The following ARHGEF19 variants were observed in gnomAD, a reference collection of about 807,000 sequenced individuals.
ARHGEF19 encodes Rho guanine nucleotide exchange factor (GEF) 19.
In ARHGEF19, 92 loss-of-function variants were observed where a neutral mutation model predicts 87.6. The observed-to-expected ratio is 1.05, with a 90% CI of 0.89 to 1.25. The LOEUF (loss-of-function observed/expected upper bound fraction) is 1.25. ARHGEF19 is among the 50% of genes most tolerant of loss of function. ARHGEF19 has a pLI of 0.00. For missense variants in ARHGEF19, 1,054 were observed against 1,051.8 expected (o/e 1.00, Z -0.03); for synonymous variants, 438 against 446.2 (o/e 0.98, Z 0.23).
At position 16,207,265 on chromosome 1, in the gene ARHGEF19, CT is replaced by C; in HGVS notation, c.875-56del. On this transcript the variant is annotated intron_variant, in intron 5 of 15. Transcript: ENST00000270747. This position sits in a 1 kb window ranked among gnomAD's most constrained non-coding sequence, Gnocchi z 4.0. ...GGGGCGCCCGCCAGCCCCTGCCCGG[CT>C]TTTCCTCGGTTCCCTCAAGAGCCCG... 1 of 1,463,178 alleles carries C rather than the reference CT, an allele frequency of 6.8e-7. No individual in the cohort carries two copies. The highest frequency in any genetic ancestry group is 2.6e-5 in the East Asian group (1 of 38,850). 90.6% of individuals were successfully genotyped at this position (1,463,178 alleles called of 1,614,324 possible). A position where few individuals can be genotyped will look rare whatever the true frequency, so the allele number is the denominator to read the frequency against.
chr1:16,207,050 G>A lies in ARHGEF19; in HGVS notation c.1035C>T (p.Arg345=). 1.3e-6 allele frequency: 2 copies of A among 1,508,668 alleles called. No homozygotes were observed. The highest frequency in any genetic ancestry group is 1.8e-6 in the Non-Finnish European group (2 of 1,131,386). The allele number at this position is 1,508,668 out of a possible 1,614,324, so 93.5% of individuals were successfully genotyped here. The part of the protein sequence containing the change: ...LSPSSSFRAQ[R]SARGSTFSLW... ...GCGAGAAGGTGGAGCCTCGCGCCGA[G>A]CGCTGCGCCCGGAAGGAGCTGCTGG... is the stretch of plus-strand genomic sequence containing the variant. Residue 345 remains arginine, a synonymous_variant, in exon 6 of 16, where the codon CGC becomes CGT. Coordinates refer to ENST00000270747, the MANE Select transcript of ARHGEF19 (RefSeq NM_153213.5). The surrounding 1 kb of genome is among the most constrained non-coding windows in gnomAD (Gnocchi z 4.0).
chr1:16,205,375 G>A lies in ARHGEF19; in HGVS notation c.1632C>T (p.Thr544=). ...AQGSEDEDMA[T]KAFNALKELV... Reference sequence around the variant, plus strand: ...CCTCCTTGAGCGCATTGAAGGCCTTGGTGGCCATGTCTTCGTCTTCAGAGC... The same window carrying A: ...CCTCCTTGAGCGCATTGAAGGCCTTAGTGGCCATGTCTTCGTCTTCAGAGC... Residue 544 remains threonine, a synonymous_variant, in exon 10 of 16, where the codon ACC becomes ACT. Transcript: ENST00000270747. This position sits in a 1 kb window ranked among gnomAD's most constrained non-coding sequence, Gnocchi z 5.8. The A allele has an allele frequency of 6.2e-7, 1 of 1,613,622 alleles. No individual in the cohort carries two copies. The highest frequency in any genetic ancestry group is 8.5e-7 in the Non-Finnish European group (1 of 1,179,680).
At position 16,205,043 on chromosome 1, in the gene ARHGEF19, A is replaced by T. The variant is rs2081114601; in HGVS notation, c.1746+44T>A. The T allele has an allele frequency of 2.5e-6, 4 of 1,569,118 alleles. No homozygotes were observed. Among genetic ancestry groups the T allele is most frequent in the African/African-American group, 1.4e-5 (1 of 73,854 alleles). On this transcript the variant is annotated intron_variant, in intron 11 of 15. Transcript: ENST00000270747. This position sits in a 1 kb window ranked among gnomAD's most constrained non-coding sequence, Gnocchi z 5.8. ...GCCCCCAGGGCAAGGAAGAAACAAG[A>T]GCTGCCCCTTGGGGTCCCCATCCCG...
Position 16,206,346 on chromosome 1 carries a change from G to T in ARHGEF19, c.1138-6C>A. ...GTGATCAGCTCAAACTTGGCCTGAG[G>T]GAGGGCACACACGGGGTCGAAAGGG... is the stretch of plus-strand genomic sequence containing the variant. On this transcript the variant is annotated splice_region_variant and splice_polypyrimidine_tract_variant and intron_variant, in intron 6 of 15. Transcript: ENST00000270747. This position sits in a 1 kb window ranked among gnomAD's most constrained non-coding sequence, Gnocchi z 4.6. 1 of 1,574,928 alleles carries T rather than the reference G, an allele frequency of 6.3e-7. No homozygotes were observed. The highest frequency in any genetic ancestry group is 1.2e-5 in the South Asian group (1 of 85,664).
chr1:16,209,180 GT>G lies in ARHGEF19; in HGVS notation c.-29-98del. ...CCTGGACAAACCCCTGTGTACACTT[GT>G]GTACACACATCTCCACAAACACACT... On this transcript the variant is annotated intron_variant, in intron 1 of 15. Transcript: ENST00000270747. The G allele has an allele frequency of 3.7e-6, 3 of 817,520 alleles. No individual in the cohort carries two copies. The South Asian group carries it at 9.6e-5, about 26-fold the overall frequency. 50.6% of individuals were successfully genotyped at this position (817,520 alleles called of 1,614,324 possible). A position where few individuals can be genotyped will look rare whatever the true frequency, so the allele number is the denominator to read the frequency against.
At position 16,207,000 on chromosome 1, in the gene ARHGEF19, C is replaced by G. The variant is rs2081143799; in HGVS notation, c.1085G>C (p.Arg362Pro). 6.6e-7 allele frequency: 1 copy of G among 1,517,174 alleles called. No individual in the cohort carries two copies. The highest frequency in any genetic ancestry group is 8.8e-7 in the Non-Finnish European group (1 of 1,135,918). 94.0% of individuals were successfully genotyped at this position (1,517,174 alleles called of 1,614,324 possible). ...CAGCGTGGCCAGGACGCCGCTGCCGCGTACGTCGGGGATATCCTGCCACAG... is the reference window on the plus strand; with the variant it reads ...CAGCGTGGCCAGGACGCCGCTGCCGGGTACGTCGGGGATATCCTGCCACAG... Reference protein sequence around the residue: ...FSLWQDIPDVRGSGVLATLSL... With the variant: ...FSLWQDIPDVPGSGVLATLSL... Residue 362 changes from arginine (R) to proline (P), a missense_variant, in exon 6 of 16, where the codon CGC becomes CCC. Transcript: ENST00000270747. This position sits in a 1 kb window ranked among gnomAD's most constrained non-coding sequence, Gnocchi z 4.6.
Position 16,205,067 on chromosome 1 carries a change from C to T in ARHGEF19, c.1746+20G>A, listed in dbSNP as rs751664278. 90 of 1,587,158 alleles carry T rather than the reference C, an allele frequency of 5.7e-5. No individual in the cohort carries two copies. Among genetic ancestry groups the T allele is most frequent in the East Asian group, 4.1e-4 (18 of 43,562 alleles). On this transcript the variant is annotated intron_variant, in intron 11 of 15. Coordinates refer to ENST00000270747, the MANE Select transcript of ARHGEF19 (RefSeq NM_153213.5). The surrounding 1 kb of genome is among the most constrained non-coding windows in gnomAD (Gnocchi z 5.8). ...GAGCTGCCCCTTGGGGTCCCCATCCCGCTGGCTGCAGACACACACCTTGCC... is the reference window on the plus strand; with the variant it reads ...GAGCTGCCCCTTGGGGTCCCCATCCTGCTGGCTGCAGACACACACCTTGCC...
intron 12 of ARHGEF19, among the ~76,000 whole-genome samples, chr1:16,204,054 T>TG (rs1186876361): frequency 1.3e-5 from 2 of 152,200 alleles, no homozygotes; most frequent in African/African-American, 4.8e-5. Flanking sequence ...TTTTAAGAGA[T>TG]GGGGTCTCAC....
rs867650295 is a variant in ARHGEF19, at chr1:16,205,413, G to A, written c.1594C>T (p.Arg532Trp). The change falls in exon 10 of 16, where the codon CGG becomes TGG. Residue 532 changes from arginine (R) to tryptophan (W), a missense_variant. Coordinates refer to ENST00000270747, the MANE Select transcript of ARHGEF19 (RefSeq NM_153213.5). This position sits in a 1 kb window ranked among gnomAD's most constrained non-coding sequence, Gnocchi z 5.8. ...TCGTCTTCAGAGCCCTGTGCTGTCC[G>A]CTTCAGGATGTTCTGGAAGGTGGGA... ...LKMLVENILK[R>W]TAQGSEDEDM... 21 of 1,610,776 alleles carry A rather than the reference G, an allele frequency of 1.3e-5. No individual in the cohort carries two copies. The highest frequency in any genetic ancestry group is 2.2e-5 in the East Asian group (1 of 44,832).
intron 12 of ARHGEF19, 65 bp downstream of exon 12, chr1:16,204,694 C>T (rs1251744002): frequency 2.0e-6 from 3 of 1,505,088 alleles, no homozygotes; most frequent in African/African-American, 1.4e-5. Context: ...GTCATAAGCC[C>T]AGTGGTGGGG....
chr1:16,208,059 C>A lies in ARHGEF19; in HGVS notation c.579G>T (p.Arg193=). The change falls in exon 3 of 16, where the codon CGG becomes CGT. Residue 193 remains arginine (R), a synonymous_variant. Coordinates refer to ENST00000270747, the MANE Select transcript of ARHGEF19 (RefSeq NM_153213.5). Reference sequence around the variant, plus strand: ...TCAGCTCCGATGCCGAGAAGCGCCTCCGCTCAGGACCTTCGAGGCTCACTC... The same window carrying A: ...TCAGCTCCGATGCCGAGAAGCGCCTACGCTCAGGACCTTCGAGGCTCACTC... ...STRVSLEGPE[R]RRFSASELMT... 4 of 1,613,946 alleles carry A rather than the reference C, an allele frequency of 2.5e-6. No homozygotes were observed. The highest frequency in any genetic ancestry group is 3.4e-6 in the Non-Finnish European group (4 of 1,180,036).
chr1:16,207,532 G>A lies in ARHGEF19; in HGVS notation c.864C>T (p.Phe288=). Residue 288 remains phenylalanine (F), a synonymous_variant, in exon 5 of 16, where the codon TTC becomes TTT. Transcript: ENST00000270747. This position sits in a 1 kb window ranked among gnomAD's most constrained non-coding sequence, Gnocchi z 4.0. ...CCCCCTCCCACGTACAGTTAAGGAGGAATCGAGACTGGCGCCGCTCGTTGG... is the reference window on the plus strand; with the variant it reads ...CCCCCTCCCACGTACAGTTAAGGAGAAATCGAGACTGGCGCCGCTCGTTGG... ...RSTNERRQSR[F]LLNSVLYQEY... is the part of the protein sequence containing the mutation. 1 of 1,613,912 alleles carries A rather than the reference G, an allele frequency of 6.2e-7. No homozygotes were observed. The highest frequency in any genetic ancestry group is 1.3e-5 in the African/African-American group (1 of 75,024).
chr1:16,210,442 C>T lies in ARHGEF19; in HGVS notation c.-29-1359G>A, dbSNP rs533210282. On this transcript the variant is annotated intron_variant, in intron 1 of 15. Transcript: ENST00000270747. ...GCCAGGAAATGAAGACTGAGAGAGA[C>T]CCAGAGAAACAGAGACCACTTAGCC... Among the ~76,000 whole-genome samples, 3 of 152,320 alleles carry T rather than the reference C, an allele frequency of 2.0e-5. No individual in the cohort carries two copies. In the East Asian group the frequency reaches 5.8e-4, roughly 29 times the overall value.
chr1:16,206,945 C>T lies in ARHGEF19; in HGVS notation c.1137+3G>A. ...GCCCCGCCGGGTCCCCGCGCGCGCCCACCTCCTGCAGCTTGCAGTCCCGCA... is the reference window on the plus strand; with the variant it reads ...GCCCCGCCGGGTCCCCGCGCGCGCCTACCTCCTGCAGCTTGCAGTCCCGCA... On this transcript the variant is annotated splice_donor_region_variant and intron_variant, in intron 6 of 15. Transcript: ENST00000270747. The surrounding 1 kb of genome is among the most constrained non-coding windows in gnomAD (Gnocchi z 4.6). 1.4e-6 allele frequency: 2 copies of T among 1,467,836 alleles called. No individual in the cohort carries two copies. The highest frequency in any genetic ancestry group is 1.3e-5 in the South Asian group (1 of 75,826). 90.9% of individuals were successfully genotyped at this position (1,467,836 alleles called of 1,614,324 possible).
In ARHGEF19 at chr1:16,207,982, G is replaced by T; in HGVS notation, c.656C>A (p.Ala219Glu). Reference protein sequence around the residue: ...LRLGRNSAARALISGSGTGAA... With the variant: ...LRLGRNSAARELISGSGTGAA... ...TCCGGTGCCTGACCCAGAGATGAGT[G>T]CCCGGGCTGCTGAATTCCGCCCCAG... Residue 219 changes from alanine (A) to glutamate (E), a missense_variant, in exon 3 of 16, where the codon GCA becomes GAA. Transcript: ENST00000270747. This position sits in a 1 kb window ranked among gnomAD's most constrained non-coding sequence, Gnocchi z 4.0. 6.2e-7 allele frequency: 1 copy of T among 1,612,192 alleles called. No homozygotes were observed. The highest frequency in any genetic ancestry group is 2.2e-5 in the East Asian group (1 of 44,838).
rs771651623 is a variant in ARHGEF19 at position 16,207,642 on chromosome 1, G to A, written c.797+33C>T. ...CACGGCCCTAGTTCGCCTGCACCCTGTCTCGGACCCAAGCCCAAACGGGAG... is the reference window on the plus strand; with the variant it reads ...CACGGCCCTAGTTCGCCTGCACCCTATCTCGGACCCAAGCCCAAACGGGAG... On this transcript the variant is annotated intron_variant, in intron 4 of 15. Coordinates refer to ENST00000270747, the MANE Select transcript of ARHGEF19 (RefSeq NM_153213.5). The surrounding 1 kb of genome is among the most constrained non-coding windows in gnomAD (Gnocchi z 4.0). The A allele has an allele frequency of 3.1e-6, 5 of 1,614,048 alleles. No homozygotes were observed. Among genetic ancestry groups the A allele is most frequent in the South Asian group, 2.2e-5 (2 of 91,078 alleles).
chr1:16,202,647 G>T, intron 12 of ARHGEF19, 73 bp from the exon 13 acceptor site: 1 of 1,560,788 alleles, frequency 6.4e-7, no homozygotes, highest in Non-Finnish European at 8.7e-7. Context: ...GGGATCAGGT[G>T]GGTTCTGACT....
Position 16,207,721 on chromosome 1 carries a change from G to C in ARHGEF19, c.751C>G (p.Arg251Gly). 6.2e-7 allele frequency: 1 copy of C among 1,613,940 alleles called. No individual in the cohort carries two copies. The highest frequency in any genetic ancestry group is 8.5e-7 in the Non-Finnish European group (1 of 1,180,010). Reference sequence around the variant, plus strand: ...TCTCGTGAGTCACCAGGGGCTGGCCGCGACACCCGGTCCCCGCTCATCTCT... The same window carrying C: ...TCTCGTGAGTCACCAGGGGCTGGCCCCGACACCCGGTCCCCGCTCATCTCT... ...SVEMSGDRVS[R>G]PAPGDSREGD... The change falls in exon 4 of 16, where the codon CGG becomes GGG. Residue 251 changes from arginine (R) to glycine (G), a missense_variant. Coordinates refer to ENST00000270747, the MANE Select transcript of ARHGEF19 (RefSeq NM_153213.5). This position sits in a 1 kb window ranked among gnomAD's most constrained non-coding sequence, Gnocchi z 4.0.
In ARHGEF19 at chr1:16,207,854, C is replaced by G. The variant is rs1314634848; in HGVS notation, c.695-77G>C. 6.3e-7 allele frequency: 1 copy of G among 1,582,134 alleles called. No individual in the cohort carries two copies. The highest frequency in any genetic ancestry group is 8.6e-7 in the Non-Finnish European group (1 of 1,165,954). On this transcript the variant is annotated intron_variant, in intron 3 of 15. Coordinates refer to ENST00000270747, the MANE Select transcript of ARHGEF19 (RefSeq NM_153213.5). The surrounding 1 kb of genome is among the most constrained non-coding windows in gnomAD (Gnocchi z 4.0). ...CTGGGCCCCGGCCCAGGCACCCTGACGGCCTCAGGCGGCCGGTGAGTGGGC... is the reference window on the plus strand; with the variant it reads ...CTGGGCCCCGGCCCAGGCACCCTGAGGGCCTCAGGCGGCCGGTGAGTGGGC...
Sources: allele counts gnomAD v4.1 joint callset (sites outside exome capture counted in the v4.1 genomes callset), GRCh38; gene constraint gnomAD v4.1.1; non-coding constraint Gnocchi (gnomAD v3.1); transcripts MANE v1.5; gene names NCBI Gene and HGNC (gene_info 2026-07-23, HGNC 2026-07-21).